SLC26A5: variants seen among roughly 807,000 people sequenced by gnomAD.
The protein encoded by SLC26A5 is prestin.
SLC26A5 carries 51 observed loss-of-function variants against 81.0 expected under a neutral mutation model. The ratio of observed to expected loss-of-function variants is 0.63; its 90% CI spans 0.50 to 0.80. The LOEUF (loss-of-function observed/expected upper bound fraction) is 0.80, where lower values mean the gene tolerates loss of function less well. Ranked by LOEUF, SLC26A5 falls within the 30% of genes least tolerant of loss-of-function variation. SLC26A5 has a pLI of 0.00. For missense variants in SLC26A5, 771 were observed against 905.8 expected (o/e 0.85, Z 1.91); for synonymous variants, 325 against 332.8 (o/e 0.98, Z 0.25).
At chr7:103,417,594 A>G (rs1194413113) in intron 4 of SLC26A5, among the ~76,000 whole-genome samples, 1 of 151,884 alleles carries the variant, frequency 6.6e-6, no homozygotes, top group East Asian at 1.9e-4. Flanking sequence ...AATGCTTTCT[A>G]TAGGTCTGAT....
chr7:103,386,652 T>A (rs1415162708), intron 14 of SLC26A5, among the ~76,000 whole-genome samples: 1 of 151,922 alleles, frequency 6.6e-6, no homozygotes, highest in East Asian at 1.9e-4. Context: ...TAAATAAAAT[T>A]TATGATAAGA....
At chr7:103,444,915 C>T (rs1827169105) in intron 1 of SLC26A5, among the ~76,000 whole-genome samples, 1 of 152,160 alleles carries the variant, frequency 6.6e-6, no homozygotes, top group African/African-American at 2.4e-5. Flanking sequence ...GAAGGAATGC[C>T]TGACAAAAAT....
At chr7:103,438,325 TAATTTATCAGTTAA>T (rs1826616188) in intron 2 of SLC26A5, among the ~76,000 whole-genome samples, 2 of 152,078 alleles carry the variant, frequency 1.3e-5, no homozygotes. Flanking sequence ...TATAAAATTA[TAATTTATCAGTTAA>T]AATATTCGTC....
At chr7:103,368,146 C>A in intron 19 of SLC26A5, 1 of 1,134,508 alleles carries the variant, frequency 8.8e-7, no homozygotes, top group Non-Finnish European at 1.2e-6. Context: ...TAAATGGCTT[C>A]AAAATTGTAT....
At chr7:103,383,288 G>A (rs1163840101) in intron 14 of SLC26A5, among the ~76,000 whole-genome samples, 2 of 152,218 alleles carry the variant, frequency 1.3e-5, no homozygotes, top group Non-Finnish European at 2.9e-5. Context: ...CACAAGTACA[G>A]GAGTAGCTGA....
chr7:103,395,743 A>G (rs1823060408), intron 9 of SLC26A5, among the ~76,000 whole-genome samples: 1 of 151,238 alleles, frequency 6.6e-6, no homozygotes, highest in African/African-American at 2.4e-5. Flanking sequence ...CTGGTCTGGA[A>G]CTCCTGACCT....
At chr7:103,430,954 AT>A (rs1826037974) in intron 2 of SLC26A5, among the ~76,000 whole-genome samples, 1 of 152,198 alleles carries the variant, frequency 6.6e-6, no homozygotes, top group Non-Finnish European at 1.5e-5. Context: ...AATAAGTTGA[AT>A]CCCTTCCAGC....
chr7:103,389,159 C>A, intron 13 of SLC26A5, 45 bp from the exon 14 acceptor site: 1 of 1,437,982 alleles, frequency 7.0e-7, no homozygotes, highest in Non-Finnish European at 9.8e-7. Flanking sequence ...TGTTAAACAT[C>A]CCACAAGAGT....
chr7:103,380,474 T>C lies in SLC26A5; in HGVS notation c.1584+6A>G. 6.2e-7 allele frequency: 1 copy of C among 1,612,150 alleles called. No individual in the cohort carries two copies. The highest frequency in any genetic ancestry group is 1.1e-5 in the South Asian group (1 of 91,038). The stretch of plus-strand genomic sequence containing the variant: ...AACCTTTTTAAGTGATAGAAAAAGG[T>C]CCTACCTCCTCATATGCGTCTATAT... On this transcript the variant is annotated splice_donor_region_variant and intron_variant, in intron 15 of 19. Coordinates refer to ENST00000306312, the MANE Select transcript of SLC26A5 (RefSeq NM_198999.3).
rs374620524 is a variant in SLC26A5, at chr7:103,374,513, A to G, written c.2121T>C (p.His707=). The change falls in exon 20 of 20, where the codon CAT becomes CAC. Residue 707 remains histidine (H), a synonymous_variant. Transcript: ENST00000306312. ...TAAGTTGGCTGCCTAAAACTGCATC[A>G]TGAATGCTGTGGAACAGCAGCTCCC... ...ALWELLFHSI[H]DAVLGSQLRE... The G allele has an allele frequency of 3.1e-6, 5 of 1,613,946 alleles. No individual in the cohort carries two copies. Among genetic ancestry groups the G allele is most frequent in the African/African-American group, 1.3e-5 (1 of 74,912 alleles).
At chr7:103,427,749 T>C (rs913830455) in intron 2 of SLC26A5, among the ~76,000 whole-genome samples, 17 of 152,134 alleles carry the variant, frequency 1.1e-4, no homozygotes, top group African/African-American at 4.1e-4. Flanking sequence ...TGTTCTACGT[T>C]GTTATGGCAG....
At chr7:103,417,559 T>C (rs73414108) in intron 4 of SLC26A5, among the ~76,000 whole-genome samples, 7,863 of 151,952 alleles carry the variant, frequency 0.052, 664 homozygotes, top group African/African-American at 0.18. Flanking sequence ...TTTCCCTAGG[T>C]GCCGTGGTCT....
chr7:103,412,715 A>C (rs574362096), intron 5 of SLC26A5, among the ~76,000 whole-genome samples: 1 of 151,924 alleles, frequency 6.6e-6, no homozygotes, highest in East Asian at 1.9e-4. Flanking sequence ...AAGCCTGGCA[A>C]ATTTTTGTAT....
chr7:103,407,204 T>C (rs1824126659), intron 8 of SLC26A5, among the ~76,000 whole-genome samples: 1 of 152,200 alleles, frequency 6.6e-6, no homozygotes, highest in South Asian at 2.1e-4. Context: ...ACCACATACA[T>C]ATTCATGTGA....
intron 8 of SLC26A5, among the ~76,000 whole-genome samples, chr7:103,401,077 G>GT (rs1256926746): frequency 2.6e-5 from 4 of 152,186 alleles, no homozygotes; most frequent in Non-Finnish European, 5.9e-5. Context: ...ATTTAAAGTA[G>GT]TTTTTTCTAA....
chr7:103,360,895 T>G lies in SLC26A5; in HGVS notation c.2042-7969A>C, dbSNP rs368556110. Among the ~76,000 whole-genome samples the G allele has an allele frequency of 2.0e-3, 303 of 151,798 alleles. 1 individual carries two copies. The highest frequency in any genetic ancestry group is 7.1e-3 in the African/African-American group (293 of 41,366). On this transcript the variant is annotated intron_variant, in intron 19 of 19. Coordinates refer to the SLC26A5 transcript ENST00000339444. ...GGGAGGCCGAAGCAGGTGGATCACT[T>G]GAGGTCGGGAGTTTGAAACCAGCCT...
intron 8 of SLC26A5, among the ~76,000 whole-genome samples, chr7:103,401,928 CT>C (rs1482758458): frequency 1.3e-5 from 2 of 152,154 alleles, no homozygotes; most frequent in African/African-American, 2.4e-5. Flanking sequence ...GGTGGACAAG[CT>C]TTTTAATGTG....
At chr7:103,355,268 A>G (rs547961302) in intron 19 of SLC26A5, among the ~76,000 whole-genome samples, 1 of 152,168 alleles carries the variant, frequency 6.6e-6, no homozygotes, top group East Asian at 1.9e-4. Context: ...ATCTCACAAC[A>G]TAGTTTTGCT....
intron 2 of SLC26A5, among the ~76,000 whole-genome samples, chr7:103,425,824 C>G (rs1398702861): frequency 6.6e-6 from 1 of 152,140 alleles, no homozygotes; most frequent in Non-Finnish European, 1.5e-5. Context: ...ACCTGGGCAG[C>G]TTTAAATACT....
Sources: gnomAD v4.1 joint callset for allele counts (sites outside exome capture counted in the v4.1 genomes callset) on GRCh38, gnomAD v4.1.1 for gene constraint, MANE v1.5 for transcripts, NCBI Gene and HGNC (gene_info 2026-07-23, HGNC 2026-07-21) for gene names.